The following NUDT4 variants were observed in gnomAD, a reference collection of about 807,000 sequenced individuals.
The protein encoded by NUDT4 is nudix hydrolase 4, also known as diphosphoinositol polyphosphate phosphohydrolase 2.
A neutral mutation model predicts 23.1 loss-of-function variants in NUDT4; 5 were observed. The ratio of observed to expected loss-of-function variants is 0.22; its 90% CI spans 0.11 to 0.46. The LOEUF (loss-of-function observed/expected upper bound fraction) is 0.46, where lower values mean the gene tolerates loss of function less well. Among genes scored for constraint, NUDT4 ranks in the 20% least tolerant of loss-of-function variants. The probability of loss-of-function intolerance (pLI) is 0.99; values close to 1 mark genes in which losing one functional copy is unlikely to be tolerated. For missense variants in NUDT4, 96 were observed against 211.6 expected, an observed-to-expected ratio of 0.45 and a Z score of 3.39; for synonymous variants, 50 against 79.0, an observed-to-expected ratio of 0.63 and a Z score of 1.95.
In NUDT4 at chr12:93,385,970, T is replaced by TATATATATATATATAC. The variant is rs1243696865; in HGVS notation, c.99+7550_99+7551insTATATATATATATACA. 5.7e-3 allele frequency among the ~76,000 whole-genome samples: 673 copies of TATATATATATATATAC among 118,380 alleles called. 12 individuals are homozygous for TATATATATATATATAC. Among genetic ancestry groups the TATATATATATATATAC allele is most frequent in the Admixed American group, 0.016 (176 of 10,704 alleles). 77.7% of individuals were successfully genotyped at this position (118,380 alleles called of 152,430 possible). A position where few individuals can be genotyped will look rare whatever the true frequency, so the allele number is the denominator to read the frequency against. On this transcript the variant is annotated intron_variant, in intron 1 of 4. Transcript: ENST00000415493. ...ATATATATATATATATATATATATA[T>TATATATATATATATAC]ACATAATTTTTTTTTTCTTTTTGAG...
intron 3 of NUDT4, among the ~76,000 whole-genome samples, chr12:93,397,117 T>A (rs1876991169): frequency 6.6e-6 from 1 of 152,200 alleles, no homozygotes; most frequent in Non-Finnish European, 1.5e-5. Flanking sequence ...ACAGCACACG[T>A]CAATCAAAAA....
chr12:93,386,943 T>G (rs1357291970), intron 1 of NUDT4, among the ~76,000 whole-genome samples: 1 of 152,136 alleles, frequency 6.6e-6, no homozygotes, highest in African/African-American at 2.4e-5. Context: ...TTTTTTATTA[T>G]TATTATTTTT....
intron 3 of NUDT4, among the ~76,000 whole-genome samples, chr12:93,398,108 C>T (rs1207351722): frequency 3.3e-5 from 5 of 151,728 alleles, no homozygotes; most frequent in South Asian, 2.1e-4. Context: ...TTTGGGAGGC[C>T]GAGGTGGGTG....
intron 1 of NUDT4, among the ~76,000 whole-genome samples, chr12:93,393,387 G>C (rs1282015571): frequency 6.6e-6 from 1 of 152,014 alleles, no homozygotes; most frequent in Non-Finnish European, 1.5e-5. Context: ...ATAGATGTGA[G>C]CCACCACGCC....
intron 1 of NUDT4, among the ~76,000 whole-genome samples, chr12:93,392,081 A>G (rs1424694064): frequency 6.6e-6 from 1 of 151,782 alleles, no homozygotes; most frequent in Non-Finnish European, 1.5e-5. Flanking sequence ...ATAGGGTTTC[A>G]CCATGTTGGC....
chr12:93,391,378 A>C (rs1876487998), intron 1 of NUDT4, among the ~76,000 whole-genome samples: 2 of 151,978 alleles, frequency 1.3e-5, no homozygotes, highest in South Asian at 4.2e-4. Flanking sequence ...CAGTCTGGCC[A>C]ACGTGGCGAA....
chr12:93,403,766 A>G lies in NUDT4; in HGVS notation c.*4387A>G, dbSNP rs542125553. 6.6e-6 allele frequency: 1 copy of G among 152,346 alleles called. No individual in the cohort carries two copies. The highest frequency in any genetic ancestry group is 2.1e-4 in the South Asian group (1 of 4,826). 9.4% of individuals were successfully genotyped at this position (152,346 alleles called of 1,614,324 possible). ...GCACATTTTATGGAGCTCTAGGACA[A>G]AAGTCAGGATGAAAAGTAATCTATC... On this transcript the variant is annotated 3_prime_UTR_variant, in exon 5 of 5. Transcript: ENST00000415493.
In NUDT4 at chr12:93,402,629, TCTC is replaced by T. The variant is rs746174919; in HGVS notation, c.*3254_*3256del. The T allele has an allele frequency of 2.0e-5, 3 of 152,192 alleles. No individual in the cohort carries two copies. The highest frequency in any genetic ancestry group is 1.9e-4 in the East Asian group (1 of 5,194). The allele number at this position is 152,192 out of a possible 1,614,324, so 9.4% of individuals were successfully genotyped here. A position where few individuals can be genotyped will look rare whatever the true frequency, so the allele number is the denominator to read the frequency against. On this transcript the variant is annotated 3_prime_UTR_variant, in exon 5 of 5. Coordinates refer to ENST00000415493, the MANE Select transcript of NUDT4 (RefSeq NM_019094.6). ...ATGCTTACCACTAAGATGTCAGTAT[TCTC>T]CTCATGGATATTTTCAGTCTCAATG...
rs975044703 is a variant in NUDT4, at chr12:93,407,379, C to CTAA, written c.*8002_*8004dup. 1 of 152,252 alleles carries CTAA rather than the reference C, an allele frequency of 6.6e-6. No homozygotes were observed. Among genetic ancestry groups the CTAA allele is most frequent in the African/African-American group, 2.4e-5 (1 of 41,454 alleles). The allele number at this position is 152,252 out of a possible 1,614,324, so 9.4% of individuals were successfully genotyped here. A position where few individuals can be genotyped will look rare whatever the true frequency, so the allele number is the denominator to read the frequency against. On this transcript the variant is annotated 3_prime_UTR_variant, in exon 5 of 5. Transcript: ENST00000415493. The stretch of plus-strand genomic sequence containing the variant: ...AAGCCCCATGCCATTCACTCACCAC[C>CTAA]TAATCATCCCCAACAACTAGTGGGC...
At chr12:93,395,073 C>G (rs1292292456) in intron 2 of NUDT4, among the ~76,000 whole-genome samples, 1 of 151,040 alleles carries the variant, frequency 6.6e-6, no homozygotes, top group Non-Finnish European at 1.5e-5. Flanking sequence ...GGTCTCAAAC[C>G]CCTGACCTCA....
intron 1 of NUDT4, 197 bp downstream of exon 1, chr12:93,378,618 G>T: frequency 1.6e-6 from 2 of 1,232,546 alleles, no homozygotes; most frequent in Non-Finnish European, 2.0e-6. Flanking sequence ...ATGAGACAAA[G>T]GGGGCTCGCC....
chr12:93,389,501 AAG>A (rs1199406117), intron 1 of NUDT4, among the ~76,000 whole-genome samples: 3 of 152,146 alleles, frequency 2.0e-5, no homozygotes, highest in Admixed American at 6.6e-5. Flanking sequence ...GCTTTCTAAA[AAG>A]TAATTTATGA....
In NUDT4 at chr12:93,398,862, T is replaced by C; in HGVS notation, c.340+7T>C. 6.7e-7 allele frequency: 1 copy of C among 1,489,166 alleles called. No homozygotes were observed. The allele number at this position is 1,489,166 out of a possible 1,614,324, so 92.2% of individuals were successfully genotyped here. A position where few individuals can be genotyped will look rare whatever the true frequency, so the allele number is the denominator to read the frequency against. On this transcript the variant is annotated splice_region_variant and intron_variant, in intron 4 of 4. Coordinates refer to ENST00000415493, the MANE Select transcript of NUDT4 (RefSeq NM_019094.6). ...GAAGATTCTGTTAATATTGGTAAGT[T>C]CCCTTTTGTTATCTGAATACTCTGT...
rs746372735 is a variant in NUDT4, at chr12:93,401,922, A to ATTTTTT, written c.*2556_*2561dup. On this transcript the variant is annotated 3_prime_UTR_variant, in exon 5 of 5. Coordinates refer to ENST00000415493, the MANE Select transcript of NUDT4 (RefSeq NM_019094.6). Reference sequence around the variant, plus strand: ...CAGAGTGTTGGGACTGTCATTTGTGATTTTTTTTTTTTTTTTTTGGTGGGG... The same window carrying ATTTTTT: ...CAGAGTGTTGGGACTGTCATTTGTGATTTTTTTTTTTTTTTTTTTTTTTTGGTGGGG... 1 of 92,772 alleles carries ATTTTTT rather than the reference A, an allele frequency of 1.1e-5. No homozygotes were observed. The highest frequency in any genetic ancestry group is 3.8e-4 in the South Asian group (1 of 2,658). The allele number at this position is 92,772 out of a possible 1,614,324, so 5.7% of individuals were successfully genotyped here.
chr12:93,382,883 G>C (rs1468613074), intron 1 of NUDT4, among the ~76,000 whole-genome samples: 2 of 151,866 alleles, frequency 1.3e-5, no homozygotes, highest in Non-Finnish European at 2.9e-5. Flanking sequence ...GGATGGTCTT[G>C]ATCTCCTGAC....
chr12:93,395,632 C>T, intron 3 of NUDT4, 99 bp downstream of exon 3: 1 of 950,034 alleles, frequency 1.1e-6, no homozygotes, highest in Admixed American at 1.8e-5. Flanking sequence ...AGACATTTCT[C>T]TCAGACTAGC....
rs555463903 is a variant in NUDT4 at position 93,379,374 on chromosome 12, GAAA to G, written c.99+958_99+960del. On this transcript the variant is annotated intron_variant, in intron 1 of 4. Transcript: ENST00000415493. ...CACTCTTAAGATAAATTACATAGGT[GAAA>G]AAAATTAACATTCTGAGTTCTGCTT... Among the ~76,000 whole-genome samples the G allele has an allele frequency of 5.9e-5, 9 of 152,256 alleles. No individual in the cohort carries two copies. The South Asian group carries it at 1.9e-3, about 32-fold the overall frequency.
At chr12:93,387,797 T>C (rs890168523) in intron 1 of NUDT4, among the ~76,000 whole-genome samples, 15 of 152,174 alleles carry the variant, frequency 9.9e-5, no homozygotes, top group Non-Finnish European at 1.8e-4. Context: ...TTCACTGTTA[T>C]TGGGGTTGGG....
Position 93,402,296 on chromosome 12 carries a change from A to C in NUDT4, c.*2917A>C, listed in dbSNP as rs1877508145. 1 of 152,136 alleles carries C rather than the reference A, an allele frequency of 6.6e-6. No individual in the cohort carries two copies. The highest frequency in any genetic ancestry group is 2.4e-5 in the African/African-American group (1 of 41,432). 9.4% of individuals were successfully genotyped at this position (152,136 alleles called of 1,614,324 possible). ...AAATGATCATGGCTTTAAAAAAAAA[A>C]CAAAAACACACACACATGAACTCAG... On this transcript the variant is annotated 3_prime_UTR_variant, in exon 5 of 5. Coordinates refer to ENST00000415493, the MANE Select transcript of NUDT4 (RefSeq NM_019094.6).
Sources: gnomAD v4.1 joint callset for allele counts (sites outside exome capture counted in the v4.1 genomes callset) on GRCh38, gnomAD v4.1.1 for gene constraint, MANE v1.5 for transcripts, NCBI Gene and HGNC (gene_info 2026-07-23, HGNC 2026-07-21) for gene names.